The following SSBP3 variants were observed in gnomAD, a reference collection of about 807,000 sequenced individuals.
SSBP3 encodes the protein single stranded DNA binding protein 3, also known as single-stranded DNA-binding protein 3.
A neutral mutation model predicts 69.6 loss-of-function variants in SSBP3; 5 were observed. That is an observed-to-expected ratio of 0.07 (90% CI 0.04 to 0.15). SSBP3 has a LOEUF of 0.15. Ranked by LOEUF, SSBP3 falls within the 10% of genes least tolerant of loss-of-function variation. The pLI is 1.00. For synonymous variants in SSBP3, 196 were observed against 193.4 expected, an observed-to-expected ratio of 1.01 and a Z score of -0.11; for missense variants, 312 against 534.0, an observed-to-expected ratio of 0.58 and a Z score of 4.10.
In SSBP3 at chr1:54,233,294, C is replaced by T. The variant is rs571043174; in HGVS notation, c.928-4468G>A. On this transcript the variant is annotated intron_variant, in intron 14 of 17. Transcript: ENST00000610401. ...GCGACCCCATCTGGGATGTGAGGAGCGCCTCTGCCCGGCCGCGACCCCGTC... is the reference window on the plus strand; with the variant it reads ...GCGACCCCATCTGGGATGTGAGGAGTGCCTCTGCCCGGCCGCGACCCCGTC... 1.2e-4 allele frequency among the ~76,000 whole-genome samples: 18 copies of T among 150,164 alleles called. No homozygotes were observed. In the South Asian group the frequency reaches 3.2e-3, roughly 26 times the overall value.
At chr1:54,390,788 G>A (rs1406505414) in intron 4 of SSBP3, among the ~76,000 whole-genome samples, 2 of 152,260 alleles carry the variant, frequency 1.3e-5, no homozygotes, top group Admixed American at 6.5e-5. Flanking sequence ...CAGGGCCGCC[G>A]CCCGTAACAC....
In SSBP3 at chr1:54,369,797, G is replaced by GCTCAGAACAGAATCAGA. The variant is rs1553146826; in HGVS notation, c.276+32063_276+32064insTCTGATTCTGTTCTGAG. Among the ~76,000 whole-genome samples the GCTCAGAACAGAATCAGA allele has an allele frequency of 5.3e-5, 8 of 152,140 alleles. No homozygotes were observed. The East Asian group carries it at 5.8e-4, about 11-fold the overall frequency. Reference sequence around the variant, plus strand: ...CAGACTCACCAACCAGTCTGAGAACGTGACCCTGTCCCTTTGGTTGAGATG... The same window carrying GCTCAGAACAGAATCAGA: ...CAGACTCACCAACCAGTCTGAGAACGCTCAGAACAGAATCAGATGACCCTGTCCCTTTGGTTGAGATG... On this transcript the variant is annotated intron_variant, in intron 4 of 17. Coordinates refer to ENST00000610401, the Ensembl canonical transcript of SSBP3.
chr1:54,380,309 C>T (rs1444818309), intron 4 of SSBP3, among the ~76,000 whole-genome samples: 1 of 152,168 alleles, frequency 6.6e-6, no homozygotes, highest in Non-Finnish European at 1.5e-5. Context: ...TCCTCACCCC[C>T]ATGCCCAAAT....
At chr1:54,243,110 G>C in intron 10 of SSBP3, 125 bp downstream of exon 10, 1 of 853,050 alleles carries the variant, frequency 1.2e-6, no homozygotes, top group Non-Finnish European at 2.0e-6. Flanking sequence ...TCACATTACC[G>C]ATGAGGAGAC....
intron 4 of SSBP3, among the ~76,000 whole-genome samples, chr1:54,310,831 G>A (rs764390840): frequency 9.2e-5 from 14 of 152,162 alleles, no homozygotes; most frequent in Non-Finnish European, 1.8e-4. Flanking sequence ...GTGAGGATGG[G>A]GGGAGAACCA....
intron 2 of SSBP3, 44 bp downstream of exon 2, chr1:54,404,808 TGGGGGG>T: frequency 1.6e-6 from 1 of 631,352 alleles, no homozygotes; most frequent in Non-Finnish European, 2.6e-6. Flanking sequence ...CTAAGAATAG[TGGGGGG>T]GGGGGGTGTC....
intron 4 of SSBP3, among the ~76,000 whole-genome samples, chr1:54,282,414 A>G (rs1345851678): frequency 2.6e-5 from 4 of 152,236 alleles, no homozygotes; most frequent in African/African-American, 9.6e-5. Flanking sequence ...GCAGGGTCCT[A>G]GGTGTCTCAT....
At chr1:54,327,576 TTC>T (rs761987894) in intron 4 of SSBP3, among the ~76,000 whole-genome samples, 3 of 152,070 alleles carry the variant, frequency 2.0e-5, no homozygotes, top group South Asian at 4.2e-4. Flanking sequence ...TTCTTTCCCT[TTC>T]TCTCTCTCTT....
At chr1:54,405,895 CGCCCGCCCGCCCGCA>C in intron 1 of SSBP3, 43 bp downstream of exon 1, 3 of 197,956 alleles carry the variant, frequency 1.5e-5, no homozygotes, top group Non-Finnish European at 2.2e-5. Context: ...TGCCTCCCAC[CGCCCGCCCGCCCGCA>C]GCCCGGCGGC....
rs147840571 is a variant in SSBP3 at position 54,314,621 on chromosome 1, C to G, written c.277-33094G>C. Among the ~76,000 whole-genome samples the G allele has an allele frequency of 5.3e-5, 8 of 152,352 alleles. 1 individual carries two copies. Among genetic ancestry groups the G allele is most frequent in the African/African-American group, 1.2e-4 (5 of 41,582 alleles). On this transcript the variant is annotated intron_variant, in intron 4 of 17. Coordinates refer to ENST00000610401, the Ensembl canonical transcript of SSBP3. ...GGTCTGATACCTTGAACATGCTTCC[C>G]TAGACAAAGATTCTATGAACTTAAA... is the stretch of plus-strand genomic sequence containing the variant.
At chr1:54,342,903 C>G (rs1280178170) in intron 4 of SSBP3, among the ~76,000 whole-genome samples, 1 of 152,202 alleles carries the variant, frequency 6.6e-6, no homozygotes, top group African/African-American at 2.4e-5. Flanking sequence ...ACGCTTTGAG[C>G]TTCCTCAAGG....
At chr1:54,234,819 A>C (rs1644458224) in intron 14 of SSBP3, among the ~76,000 whole-genome samples, 1 of 151,438 alleles carries the variant, frequency 6.6e-6, no homozygotes, top group African/African-American at 2.4e-5. Flanking sequence ...GCTGGAGTGC[A>C]GTGGCATGAT....
rs191577212 is a variant in SSBP3 at position 54,346,346 on chromosome 1, T to C, written c.276+55515A>G. Among the ~76,000 whole-genome samples, 10 of 151,454 alleles carry C rather than the reference T, an allele frequency of 6.6e-5. No individual in the cohort carries two copies. In the East Asian group the frequency reaches 1.2e-3, roughly 18 times the overall value. The stretch of plus-strand genomic sequence containing the variant: ...TCTCCAAAAAAAAAAAAAAAATTAC[T>C]GTACTGACTAAAGTTACAGAGTAGA... On this transcript the variant is annotated intron_variant, in intron 4 of 17. Coordinates refer to ENST00000610401, the Ensembl canonical transcript of SSBP3.
At chr1:54,378,069 A>T (rs953030645) in intron 4 of SSBP3, among the ~76,000 whole-genome samples, 1 of 151,934 alleles carries the variant, frequency 6.6e-6, no homozygotes, top group Non-Finnish European at 1.5e-5. Context: ...GGTCCCCTGC[A>T]CTCTCCTGAC....
intron 4 of SSBP3, among the ~76,000 whole-genome samples, chr1:54,297,624 T>C (rs1005215049): frequency 1.3e-5 from 2 of 151,964 alleles, no homozygotes; most frequent in South Asian, 2.1e-4. Flanking sequence ...GAGTGAGACT[T>C]TGTCTCAAAA....
chr1:54,249,040 ACTGCAGGGCCTCAGCCGCTGG>A lies in SSBP3; in HGVS notation c.651+2555_651+2575del, dbSNP rs1385709891. Among the ~76,000 whole-genome samples the A allele has an allele frequency of 5.3e-5, 8 of 152,108 alleles. 1 individual carries two copies. Among genetic ancestry groups the A allele is most frequent in the South Asian group, 4.1e-4 (2 of 4,822 alleles). On this transcript the variant is annotated intron_variant, in intron 9 of 17. Transcript: ENST00000610401. ...GCTTGGGTGAGGCCAGGAGAGTCTC[ACTGCAGGGCCTCAGCCGCTGG>A]GACCCTCACTTCTTTAAAGTGTGCC... is the stretch of plus-strand genomic sequence containing the variant.
chr1:54,322,206 G>A (rs1340495811), intron 4 of SSBP3, among the ~76,000 whole-genome samples: 3 of 152,220 alleles, frequency 2.0e-5, no homozygotes, highest in Non-Finnish European at 4.4e-5. Flanking sequence ...GACCAGGCAG[G>A]AGAAAGGAAG....
chr1:54,244,564 T>C (rs531996972), intron 9 of SSBP3, among the ~76,000 whole-genome samples: 2 of 152,294 alleles, frequency 1.3e-5, no homozygotes, highest in South Asian at 2.1e-4. Context: ...GAGAGAAAAG[T>C]CTACACAGAA....
chr1:54,373,653 G>A (rs1398929159), intron 4 of SSBP3, among the ~76,000 whole-genome samples: 1 of 151,930 alleles, frequency 6.6e-6, no homozygotes, highest in South Asian at 2.1e-4. Flanking sequence ...TGTAGTCCCA[G>A]CTACTTGGGA....
Sources: allele counts gnomAD v4.1 joint callset (sites outside exome capture counted in the v4.1 genomes callset), GRCh38; gene constraint gnomAD v4.1.1; transcripts MANE v1.5; gene names NCBI Gene and HGNC (gene_info 2026-07-23, HGNC 2026-07-21).